CPVL: variants seen among roughly 807,000 people sequenced by gnomAD.
CPVL encodes the protein probable serine carboxypeptidase CPVL.
In CPVL, 51 loss-of-function variants were observed where a neutral mutation model predicts 63.7. That is an observed-to-expected ratio of 0.80 (90% CI 0.64 to 1.01). CPVL has a LOEUF of 1.01. CPVL is among the 50% of genes least tolerant of loss of function. The pLI is 0.00. For missense variants in CPVL, 530 were observed against 573.1 expected (o/e 0.92, Z 0.77); for synonymous variants, 195 against 206.0 (o/e 0.95, Z 0.46).
intron 7 of CPVL, among the ~76,000 whole-genome samples, chr7:29,082,898 C>T (rs1784872058): frequency 6.6e-6 from 1 of 152,188 alleles, no homozygotes; most frequent in Non-Finnish European, 1.5e-5. Flanking sequence ...CAAGACAAGG[C>T]ATTACACACG....
chr7:29,040,768 C>T (rs533548518), intron 11 of CPVL, among the ~76,000 whole-genome samples: 68 of 152,010 alleles, frequency 4.5e-4, no homozygotes, highest in Admixed American at 6.6e-5. Flanking sequence ...CAGTGTCCAG[C>T]GATTATATAA....
intron 9 of CPVL, among the ~76,000 whole-genome samples, chr7:29,068,486 C>T (rs949361548): frequency 6.6e-6 from 1 of 152,080 alleles, no homozygotes; most frequent in Non-Finnish European, 1.5e-5. Flanking sequence ...TCTGGTTGTG[C>T]AGCTCCATGC....
chr7:29,121,414 C>G (rs1283732983), intron 1 of CPVL, among the ~76,000 whole-genome samples: 1 of 152,142 alleles, frequency 6.6e-6, no homozygotes, highest in East Asian at 1.9e-4. Flanking sequence ...AATCCTCCCA[C>G]CTCAGCCTCC....
rs533666773 is a variant in CPVL, at chr7:29,003,818, A to G, written c.1321-7936T>C. Among the ~76,000 whole-genome samples the G allele has an allele frequency of 2.6e-5, 4 of 152,238 alleles. No homozygotes were observed. In the East Asian group the frequency reaches 7.7e-4, roughly 29 times the overall value. On this transcript the variant is annotated intron_variant, in intron 12 of 12. Coordinates refer to ENST00000265394, the MANE Select transcript of CPVL (RefSeq NM_031311.5). ...GATCATCAGGCATTAGATTCTCATG[A>G]GAAGCGCACAACTAGATCCCTCACA... is the stretch of plus-strand genomic sequence containing the variant.
At chr7:29,032,469 T>C (rs1788117657) in intron 11 of CPVL, among the ~76,000 whole-genome samples, 3 of 152,192 alleles carry the variant, frequency 2.0e-5, no homozygotes, top group African/African-American at 7.2e-5. Flanking sequence ...TTGCATTGTT[T>C]ATATAGAGAA....
At chr7:29,078,725 T>A (rs1275848052) in intron 7 of CPVL, among the ~76,000 whole-genome samples, 1 of 152,242 alleles carries the variant, frequency 6.6e-6, no homozygotes, top group Non-Finnish European at 1.5e-5. Context: ...CATATTCTTT[T>A]CTGTGCAACC....
chr7:29,193,629 G>T (rs1167720621), intron 1 of CPVL: 1 of 152,178 alleles, frequency 6.6e-6, no homozygotes, highest in Non-Finnish European at 1.5e-5. Context: ...AAAAAAATCT[G>T]CATGGTATTT....
chr7:29,172,936 G>C (rs1346440995), intron 5 of CPVL, among the ~76,000 whole-genome samples: 1 of 152,030 alleles, frequency 6.6e-6, no homozygotes, highest in African/African-American at 2.4e-5. Flanking sequence ...TTTGAGACCA[G>C]CGTGGCCAGT....
At chr7:28,997,878 C>T (rs557308454) in intron 12 of CPVL, among the ~76,000 whole-genome samples, 8 of 151,542 alleles carry the variant, frequency 5.3e-5, no homozygotes, top group Non-Finnish European at 7.4e-5. Flanking sequence ...GGAGGCAGAT[C>T]CCATTTGCAG....
intron 3 of CPVL, among the ~76,000 whole-genome samples, chr7:29,098,445 C>A (rs948335236): frequency 6.6e-6 from 1 of 152,188 alleles, no homozygotes; most frequent in Non-Finnish European, 1.5e-5. Context: ...CGCCACCTCT[C>A]GGGCTCATTC....
intron 7 of CPVL, among the ~76,000 whole-genome samples, chr7:29,076,318 G>A (rs979350808): frequency 3.3e-5 from 5 of 152,116 alleles, no homozygotes; most frequent in Admixed American, 1.3e-4. Context: ...CATGGTGTTC[G>A]CCAGTGTGGG....
At chr7:29,071,982 A>G in intron 8 of CPVL, 78 bp from the exon 9 acceptor site, 3 of 1,560,646 alleles carry the variant, frequency 1.9e-6, no homozygotes, top group South Asian at 2.3e-5. Context: ...GCTTGGTGAA[A>G]TAATCCTTTG....
chr7:29,142,773 G>A (rs560937244), intron 1 of CPVL, among the ~76,000 whole-genome samples: 11 of 152,044 alleles, frequency 7.2e-5, no homozygotes, highest in Admixed American at 3.9e-4. Flanking sequence ...TGATCTGCCC[G>A]CCTCAGCCTC....
intron 11 of CPVL, among the ~76,000 whole-genome samples, chr7:29,052,799 T>A (rs1584110474): frequency 6.6e-6 from 1 of 152,002 alleles, no homozygotes; most frequent in Non-Finnish European, 1.5e-5. Context: ...ATCCCAGCTA[T>A]TCAGGAGGCT....
At chr7:29,019,865 A>C (rs1356664131) in intron 12 of CPVL, among the ~76,000 whole-genome samples, 1 of 152,204 alleles carries the variant, frequency 6.6e-6, no homozygotes, top group Admixed American at 6.5e-5. Flanking sequence ...TTTTAAAATC[A>C]CCTATACAAA....
At chr7:29,051,309 CAG>C (rs560804240) in intron 11 of CPVL, among the ~76,000 whole-genome samples, 46 of 152,292 alleles carry the variant, frequency 3.0e-4, no homozygotes, top group African/African-American at 1.1e-3. Flanking sequence ...GCAGAGTAAA[CAG>C]ACAACCCACA....
chr7:29,009,975 G>A (rs926246370), intron 12 of CPVL: 1 of 152,124 alleles, frequency 6.6e-6, no homozygotes, highest in Non-Finnish European at 1.5e-5. Context: ...GAATCTTTAG[G>A]AAATTTAACA....
chr7:29,085,485 T>C (rs887935065), intron 7 of CPVL, among the ~76,000 whole-genome samples: 1 of 152,252 alleles, frequency 6.6e-6, no homozygotes, highest in Non-Finnish European at 1.5e-5. Context: ...TATGGAAGAA[T>C]GCCAGGTGAT....
intron 1 of CPVL, among the ~76,000 whole-genome samples, chr7:29,136,719 T>C (rs1791265937): frequency 6.6e-6 from 1 of 152,170 alleles, no homozygotes; most frequent in African/African-American, 2.4e-5. Flanking sequence ...ACATTACTTT[T>C]ATTATATTGA....
Sources: allele counts gnomAD v4.1 joint callset (sites outside exome capture counted in the v4.1 genomes callset), GRCh38; gene constraint gnomAD v4.1.1; transcripts MANE v1.5; gene names NCBI Gene and HGNC (gene_info 2026-07-23, HGNC 2026-07-21).